CCT4: variants seen among roughly 807,000 people sequenced by gnomAD.
The protein encoded by CCT4 is chaperonin containing TCP1 subunit 4, also known as T-complex protein 1 subunit delta.
Under a neutral mutation model 62.5 loss-of-function variants are expected in CCT4, and 17 were observed. That is an observed-to-expected ratio of 0.27 (90% confidence interval 0.19 to 0.41). CCT4 has a LOEUF of 0.41. Ranked by LOEUF, CCT4 falls within the 10% of genes least tolerant of loss-of-function variation. The pLI, the probability that CCT4 is intolerant of heterozygous loss-of-function variation, is 1.00. For synonymous variants in CCT4, 250 were observed against 229.9 expected (o/e 1.09, Z -0.79); for missense variants, 592 against 659.2 (o/e 0.90, Z 1.12).
At chr2:61,870,921 G>GA (rs1558503146) in intron 12 of CCT4, among the ~76,000 whole-genome samples, 1 of 145,680 alleles carries the variant, frequency 6.9e-6, no homozygotes, top group Non-Finnish European at 1.5e-5. Flanking sequence ...CGTCTCCAAA[G>GA]AAAAAACAAA....
rs1003331557 is a variant in CCT4 at position 61,883,861 on chromosome 2, T to C, written c.181-313A>G. 3.9e-5 allele frequency among the ~76,000 whole-genome samples: 6 copies of C among 152,268 alleles called. No individual in the cohort carries two copies. The South Asian group carries it at 1.2e-3, about 32-fold the overall frequency. On this transcript the variant is annotated intron_variant, in intron 2 of 13. Coordinates refer to ENST00000394440, the MANE Select transcript of CCT4 (RefSeq NM_006430.4). ...GAAGCACTTGCTATCTTTAATGATT[T>C]CTTATTAATCAGAAACACGATTTCC...
rs189539112 is a variant in CCT4, at chr2:61,883,052, A to G, written c.270+407T>C. Among the ~76,000 whole-genome samples the G allele has an allele frequency of 4.4e-3, 668 of 152,328 alleles. 1 individual carries two copies. Among genetic ancestry groups the G allele is most frequent in the Admixed American group, 0.01 (160 of 15,298 alleles). ...CCTAAAAATATGCCTGTTCAGCACG[A>G]AAAGTGTTCATCGTGCTTAAATATC... On this transcript the variant is annotated intron_variant, in intron 3 of 13. Coordinates refer to ENST00000394440, the MANE Select transcript of CCT4 (RefSeq NM_006430.4).
Position 61,877,398 on chromosome 2 carries a change from C to T in CCT4, c.639G>A (p.Lys213=), listed in dbSNP as rs139589025. Residue 213 remains lysine (K), a synonymous_variant, in exon 6 of 14, where the codon AAG becomes AAA. Coordinates refer to ENST00000394440, the MANE Select transcript of CCT4 (RefSeq NM_006430.4). ...TTGTAATTAGAGATGCTTACCCAAG[C>T]TTCTTAACTATTTTAATATCTCTAA... is the stretch of plus-strand genomic sequence containing the variant. The part of the protein sequence containing the change: ...VDLRDIKIVK[K]LGGTIDDCEL... 5 of 1,479,912 alleles carry T rather than the reference C, an allele frequency of 3.4e-6. No individual in the cohort carries two copies. The highest frequency in any genetic ancestry group is 2.9e-5 in the South Asian group (2 of 68,436). 91.7% of individuals were successfully genotyped at this position (1,479,912 alleles called of 1,614,324 possible).
intron 8 of CCT4, 125 bp downstream of exon 8, chr2:61,875,970 G>C (rs1277003894): frequency 1.7e-6 from 1 of 578,072 alleles, no homozygotes; most frequent in South Asian, 3.2e-5. Context: ...TCACCTAAGA[G>C]TTGTCTGTTA....
intron 12 of CCT4, among the ~76,000 whole-genome samples, chr2:61,871,699 A>AT (rs1234623691): frequency 6.6e-6 from 1 of 152,224 alleles, no homozygotes. Flanking sequence ...TAGGGCAATG[A>AT]TTTTTTATAC....
chr2:61,871,900 C>G (rs972234398), intron 12 of CCT4, among the ~76,000 whole-genome samples, 182 bp downstream of exon 12: 1 of 152,160 alleles, frequency 6.6e-6, no homozygotes, highest in African/African-American at 2.4e-5. Context: ...TAATACTTCC[C>G]CCTAAGGTGT....
chr2:61,888,614 C>T lies in CCT4; in HGVS notation c.-107G>A, dbSNP rs1183388755. On this transcript the variant is annotated 5_prime_UTR_variant, in exon 1 of 14. Transcript: ENST00000394440. The stretch of plus-strand genomic sequence containing the variant: ...GCCCTCACTGCCTTCACGAACCTTC[C>T]AGAAAGCGGCGCCGGCGTCGGGAGG... The T allele has an allele frequency of 3.0e-6, 4 of 1,336,942 alleles. No individual in the cohort carries two copies. In the East Asian group the frequency reaches 1.0e-4, roughly 35 times the overall value. The allele number at this position is 1,336,942 out of a possible 1,614,324, so 82.8% of individuals were successfully genotyped here. A position where few individuals can be genotyped will look rare whatever the true frequency, so the allele number is the denominator to read the frequency against.
intron 1 of CCT4, 39 bp downstream of exon 1, chr2:61,888,342 A>C: frequency 1.3e-6 from 2 of 1,599,012 alleles, no homozygotes; most frequent in Non-Finnish European, 1.7e-6. Context: ...CGCAGAGCAC[A>C]ACCCCGCGGC....
chr2:61,880,279 T>C lies in CCT4; in HGVS notation c.379+7A>G, dbSNP rs777845139. The stretch of plus-strand genomic sequence containing the variant: ...CTTTATTCAGTAATAAAGTACATCC[T>C]ACCCACCTTTCTGAAGAAGCTTGGT... On this transcript the variant is annotated splice_region_variant and intron_variant, in intron 4 of 13. Coordinates refer to ENST00000394440, the MANE Select transcript of CCT4 (RefSeq NM_006430.4). The C allele has an allele frequency of 1.1e-4, 167 of 1,478,918 alleles. 2 individuals carry two copies. The East Asian group carries it at 3.8e-3, about 34-fold the overall frequency. The allele number at this position is 1,478,918 out of a possible 1,614,324, so 91.6% of individuals were successfully genotyped here.
At chr2:61,870,311 T>C (rs1365952283) in intron 12 of CCT4, among the ~76,000 whole-genome samples, 2 of 152,214 alleles carry the variant, frequency 1.3e-5, no homozygotes, top group African/African-American at 4.8e-5. Flanking sequence ...ATCTCTTTAA[T>C]GTTTAAATCA....
chr2:61,881,090 G>A (rs1393944397), intron 3 of CCT4, among the ~76,000 whole-genome samples: 1 of 152,018 alleles, frequency 6.6e-6, no homozygotes, highest in Non-Finnish European at 1.5e-5. Context: ...AGTATAACCT[G>A]ATTCATTAAA....
At chr2:61,879,609 A>G (rs1235333336) in intron 4 of CCT4, among the ~76,000 whole-genome samples, 1 of 151,928 alleles carries the variant, frequency 6.6e-6, no homozygotes, top group Non-Finnish European at 1.5e-5. Context: ...AATCTACATT[A>G]TAAGTAAAAT....
rs1201981028 is a variant in CCT4 at position 61,878,803 on chromosome 2, C to G, written c.522+66G>C. 3.7e-6 allele frequency: 4 copies of G among 1,081,598 alleles called. 1 individual carries two copies. In the East Asian group the frequency reaches 9.6e-5, roughly 26 times the overall value. 67.0% of individuals were successfully genotyped at this position (1,081,598 alleles called of 1,614,324 possible). A position where few individuals can be genotyped will look rare whatever the true frequency, so the allele number is the denominator to read the frequency against. On this transcript the variant is annotated intron_variant, in intron 5 of 13. Coordinates refer to ENST00000394440, the MANE Select transcript of CCT4 (RefSeq NM_006430.4). ...GATTTAGTATTTATGTACCGTATAG[C>G]ATCAAGAATCATAGAGTAACACACT... is the stretch of plus-strand genomic sequence containing the variant.
chr2:61,879,256 CTTTTT>C (rs35373962), intron 4 of CCT4, among the ~76,000 whole-genome samples: 38 of 101,046 alleles, frequency 3.8e-4, no homozygotes, highest in Admixed American at 7.2e-4. Flanking sequence ...AAATTTTATA[CTTTTT>C]TTTTTTTTTT....
intron 3 of CCT4, among the ~76,000 whole-genome samples, 176 bp downstream of exon 3, chr2:61,883,283 T>C (rs1669156814): frequency 2.0e-5 from 3 of 151,892 alleles, no homozygotes; most frequent in African/African-American, 7.3e-5. Context: ...CAACCAGGCA[T>C]GGTGGCACGA....
At chr2:61,882,594 C>G (rs984901273) in intron 3 of CCT4, among the ~76,000 whole-genome samples, 2 of 151,934 alleles carry the variant, frequency 1.3e-5, no homozygotes, top group Admixed American at 6.6e-5. Flanking sequence ...CAGCTCACTA[C>G]CTCCCCTGGA....
intron 1 of CCT4, chr2:61,887,867 G>A (rs1216631865): frequency 1.3e-5 from 2 of 152,378 alleles, no homozygotes; most frequent in Admixed American, 1.3e-4. Flanking sequence ...AACACGACAC[G>A]TAAGTCGGTT....
At chr2:61,877,292 A>G in intron 6 of CCT4, 101 bp downstream of exon 6, 1 of 1,235,222 alleles carries the variant, frequency 8.1e-7, no homozygotes, top group Non-Finnish European at 1.1e-6. Flanking sequence ...CAAAAAGAGA[A>G]AAGAGAGCTT....
At position 61,878,858 on chromosome 2, in the gene CCT4, G is replaced by A; in HGVS notation, c.522+11C>T. On this transcript the variant is annotated intron_variant, in intron 5 of 13. Coordinates refer to ENST00000394440, the MANE Select transcript of CCT4 (RefSeq NM_006430.4). Reference sequence around the variant, plus strand: ...ACTAATTTGACAAGTATCCGTTAGTGTTTGTCTCACCTTTGAGTTCAGTGA... The same window carrying A: ...ACTAATTTGACAAGTATCCGTTAGTATTTGTCTCACCTTTGAGTTCAGTGA... 1 of 1,596,018 alleles carries A rather than the reference G, an allele frequency of 6.3e-7. No individual in the cohort carries two copies. The highest frequency in any genetic ancestry group is 8.6e-7 in the Non-Finnish European group (1 of 1,168,090).
Sources: allele counts gnomAD v4.1 joint callset (sites outside exome capture counted in the v4.1 genomes callset), GRCh38; gene constraint gnomAD v4.1.1; transcripts MANE v1.5; gene names NCBI Gene and HGNC (gene_info 2026-07-23, HGNC 2026-07-21).